Variants in RBPJ observed in about 807,000 individuals in gnomAD.
RBPJ encodes recombination signal binding protein for immunoglobulin kappa J region, also known as recombining binding protein suppressor of hairless.
A neutral mutation model predicts 67.8 loss-of-function variants in RBPJ; 9 were observed. The observed-to-expected ratio is 0.13, with a 90% CI of 0.08 to 0.23. The LOEUF is 0.23. Ranked by LOEUF, RBPJ falls within the 10% of genes least tolerant of loss-of-function variation. RBPJ has a pLI of 1.00. For synonymous variants in RBPJ, 198 were observed against 203.3 expected (o/e 0.97, Z 0.22); for missense variants, 305 against 595.6 (o/e 0.51, Z 5.08).
chr4:26,402,476 A>C (rs1000221422), intron 2 of RBPJ, among the ~76,000 whole-genome samples: 1 of 152,186 alleles, frequency 6.6e-6, no homozygotes, highest in South Asian at 2.1e-4. Flanking sequence ...TCCATTAGAC[A>C]TCATATGGCC....
intron 2 of RBPJ, among the ~76,000 whole-genome samples, chr4:26,399,735 G>T (rs1732568805): frequency 6.6e-6 from 1 of 152,004 alleles, no homozygotes; most frequent in Non-Finnish European, 1.5e-5. Flanking sequence ...GCTCAGGCTG[G>T]AGTGCAATGG....
At chr4:26,172,223 T>C (rs988437452) in intron 1 of RBPJ, among the ~76,000 whole-genome samples, 2 of 151,982 alleles carry the variant, frequency 1.3e-5, no homozygotes, top group South Asian at 2.1e-4. Context: ...AGAGGTCCCA[T>C]ACATACAAAC....
At chr4:26,367,242 G>A (rs1476665415) in intron 1 of RBPJ, among the ~76,000 whole-genome samples, 1 of 152,050 alleles carries the variant, frequency 6.6e-6, no homozygotes, top group Admixed American at 6.5e-5. Flanking sequence ...CAGCACTTTG[G>A]GAAGCCGAGG....
upstream of RBPJ, chr4:26,320,786 G>A (rs1577428377): frequency 6.4e-7 from 1 of 1,555,512 alleles, no homozygotes; most frequent in South Asian, 1.2e-5. Context: ...CGCCCGCGGA[G>A]GAGCCGCCTG....
chr4:26,407,612 G>C (rs865809556), intron 3 of RBPJ, among the ~76,000 whole-genome samples: 16 of 152,208 alleles, frequency 1.1e-4, no homozygotes, highest in African/African-American at 3.4e-4. Flanking sequence ...GAAAAAGCCT[G>C]CTTATGGAGA....
chr4:26,415,700 A>T, intron 4 of RBPJ, 60 bp downstream of exon 4: 1 of 1,466,120 alleles, frequency 6.8e-7, no homozygotes. Flanking sequence ...TGTAGTTTTC[A>T]TATTCATTTT....
chr4:26,316,827 CTTTTTTTTTTTTTTTT>C (rs56130072), upstream of RBPJ, among the ~76,000 whole-genome samples: 1 of 71,384 alleles, frequency 1.4e-5, no homozygotes, highest in African/African-American at 5.6e-5. Flanking sequence ...ACCCAGACGA[CTTTTTTTTTTTTTTTT>C]TTTTTTTTTT....
At chr4:26,296,604 GTTTTA>G (rs1211527321) in intron 1 of RBPJ, among the ~76,000 whole-genome samples, 2 of 152,082 alleles carry the variant, frequency 1.3e-5, no homozygotes, top group Non-Finnish European at 2.9e-5. Context: ...ATAACAAATA[GTTTTA>G]TTTTAATAAG....
chr4:26,119,123 T>C, the RBPJ span, among the ~76,000 whole-genome samples: 1 of 152,162 alleles, frequency 6.6e-6, no homozygotes, highest in Non-Finnish European at 1.5e-5. Context: ...TCACTGTGGG[T>C]TAAATAAATA....
the RBPJ span, among the ~76,000 whole-genome samples, chr4:26,156,978 G>A: frequency 2.6e-5 from 4 of 151,738 alleles, no homozygotes; most frequent in East Asian, 5.8e-4. Flanking sequence ...AGGAGGCTGA[G>A]GTGAAAGGAT....
In RBPJ at chr4:26,210,663, T is replaced by C. The variant is rs140888019; in HGVS notation, c.-167+47049T>C. Among the ~76,000 whole-genome samples the C allele has an allele frequency of 6.7e-3, 133 of 19,908 alleles. 1 individual carries two copies. Among genetic ancestry groups the C allele is most frequent in the African/African-American group, 0.04 (116 of 2,928 alleles). 13.1% of individuals were successfully genotyped at this position (19,908 alleles called of 152,430 possible). A position where few individuals can be genotyped will look rare whatever the true frequency, so the allele number is the denominator to read the frequency against. ...ACCCTTAAGCCAGCTTTCTTTCTTTTTTCTTTCTTTCTTTCTTTCTTTCCT... is the reference window on the plus strand; with the variant it reads ...ACCCTTAAGCCAGCTTTCTTTCTTTCTTCTTTCTTTCTTTCTTTCTTTCCT... On this transcript the variant is annotated intron_variant, in intron 1 of 4. Coordinates refer to the RBPJ transcript ENST00000512351.
At chr4:26,279,036 G>C (rs954759225) in intron 1 of RBPJ, among the ~76,000 whole-genome samples, 2 of 152,160 alleles carry the variant, frequency 1.3e-5, no homozygotes, top group Non-Finnish European at 2.9e-5. Flanking sequence ...GAAAATAACA[G>C]TAGCTATTTC....
intron 1 of RBPJ, among the ~76,000 whole-genome samples, chr4:26,242,114 C>T (rs746350904): frequency 2.0e-5 from 3 of 152,164 alleles, no homozygotes; most frequent in Non-Finnish European, 2.9e-5. Flanking sequence ...GGTCCCTACA[C>T]GCTGCCCTCA....
intron 1 of RBPJ, among the ~76,000 whole-genome samples, chr4:26,213,475 G>A (rs149393586): frequency 6.6e-6 from 1 of 152,156 alleles, no homozygotes; most frequent in African/African-American, 2.4e-5. Context: ...TCCTAACAGA[G>A]GACACAGTAG....
rs538198437 is a variant in RBPJ at position 26,434,120 on chromosome 4, G to C, written c.*3113G>C. ...TTATATTTTGAGTGATTTCAGCGTT[G>C]AACACTAGTATACTATCTAAATTTG... On this transcript the variant is annotated 3_prime_UTR_variant, in exon 11 of 11. Transcript: ENST00000355476. 35 of 152,264 alleles carry C rather than the reference G, an allele frequency of 2.3e-4. No individual in the cohort carries two copies. Among genetic ancestry groups the C allele is most frequent in the African/African-American group, 7.9e-4 (33 of 41,534 alleles). 9.4% of individuals were successfully genotyped at this position (152,264 alleles called of 1,614,324 possible).
At chr4:26,129,844 G>A in the RBPJ span, among the ~76,000 whole-genome samples, 3 of 151,932 alleles carry the variant, frequency 2.0e-5, no homozygotes, top group Non-Finnish European at 4.4e-5. Flanking sequence ...AATATTGATG[G>A]CAGAGAGATT....
chr4:26,214,383 G>T (rs1718546653), intron 1 of RBPJ, among the ~76,000 whole-genome samples: 1 of 117,734 alleles, frequency 8.5e-6, no homozygotes, highest in Admixed American at 9.0e-5. Context: ...GAGAGAGAAA[G>T]AAGGGGAGGG....
At chr4:26,121,780 G>T in the RBPJ span, among the ~76,000 whole-genome samples, 33 of 151,522 alleles carry the variant, frequency 2.2e-4, no homozygotes, top group African/African-American at 7.8e-4. Flanking sequence ...AAATGGAACT[G>T]CACATTAATC....
At position 26,219,787 on chromosome 4, in the gene RBPJ, T is replaced by G. The variant is rs142487817; in HGVS notation, c.-167+56173T>G. ...GGTTTTTTTTGTTGTTGTTGTTGTT[T>G]TTTTTTGAGACGGAGTCTCACTCTG... On this transcript the variant is annotated intron_variant, in intron 1 of 4. Coordinates refer to the RBPJ transcript ENST00000512351. Among the ~76,000 whole-genome samples the G allele has an allele frequency of 5.7e-3, 868 of 152,254 alleles. 5 individuals carry two copies. The highest frequency in any genetic ancestry group is 0.012 in the East Asian group (61 of 5,178).
Sources: allele counts gnomAD v4.1 joint callset (sites outside exome capture counted in the v4.1 genomes callset), GRCh38; gene constraint gnomAD v4.1.1; transcripts MANE v1.5; gene names NCBI Gene and HGNC (gene_info 2026-07-23, HGNC 2026-07-21).